ADAM9: variants seen among roughly 807,000 people sequenced by gnomAD.
The protein encoded by ADAM9 is disintegrin and metalloproteinase domain-containing protein 9.
Under a neutral mutation model 108.1 loss-of-function variants are expected in ADAM9, and 54 were observed. The observed-to-expected ratio is 0.50, with a 90% confidence interval of 0.40 to 0.63. The LOEUF is 0.63. Ranked by LOEUF, ADAM9 falls within the 20% of genes least tolerant of loss-of-function variation. ADAM9 has a pLI of 0.00. For missense variants in ADAM9, 830 were observed against 997.7 expected, an observed-to-expected ratio of 0.83 and a Z score of 2.26; for synonymous variants, 316 against 336.0, an observed-to-expected ratio of 0.94 and a Z score of 0.65.
intron 12 of ADAM9, among the ~76,000 whole-genome samples, chr8:39,051,633 T>C (rs1212508883): frequency 6.6e-6 from 1 of 152,202 alleles, no homozygotes; most frequent in Non-Finnish European, 1.5e-5. Flanking sequence ...TATTCTCCCA[T>C]TTTGGTGATG....
intron 3 of ADAM9, 22 bp from the exon 4 acceptor site, chr8:39,013,943 C>T (rs76099010): frequency 5.0e-4 from 781 of 1,563,814 alleles, no homozygotes; most frequent in Non-Finnish European, 6.4e-4. Flanking sequence ...TATATATAAA[C>T]GGTGTTTTAT....
intron 20 of ADAM9, among the ~76,000 whole-genome samples, chr8:39,095,053 C>CT (rs1368903322): frequency 6.6e-6 from 1 of 152,112 alleles, no homozygotes; most frequent in Non-Finnish European, 1.5e-5. Context: ...TTGCTATAAA[C>CT]TTCCCCCTTA....
intron 3 of ADAM9, 35 bp downstream of exon 3, chr8:39,011,751 T>C (rs372808162): frequency 6.4e-6 from 10 of 1,556,026 alleles, no homozygotes; most frequent in Non-Finnish European, 8.0e-6. Context: ...TTTTCAGTAA[T>C]GTTTTTCCAA....
At position 39,007,924 on chromosome 8, in the gene ADAM9, A is replaced by T; in HGVS notation, c.136A>T (p.Ile46Leu). Residue 46 changes from isoleucine (I) to leucine (L), a missense_variant, in exon 2 of 22, where the codon ATA becomes TTA. By Grantham distance (5) the Ile-to-Leu change is conservative. Coordinates refer to ENST00000487273, the MANE Select transcript of ADAM9 (RefSeq NM_003816.3). ...CTCACATCTTTCTTCTTATGAAATT[A>T]TAACTCCTTGGAGATTAACTAGAGA... Reference protein sequence around the residue: ...QTSHLSSYEIITPWRLTRERR... With the variant: ...QTSHLSSYEILTPWRLTRERR... 1 of 1,612,482 alleles carries T rather than the reference A, an allele frequency of 6.2e-7. No homozygotes were observed. Among genetic ancestry groups the T allele is most frequent in the South Asian group, 1.1e-5 (1 of 91,044 alleles).
intron 12 of ADAM9, among the ~76,000 whole-genome samples, chr8:39,050,830 GTTTTTTTTTT>G (rs58115667): frequency 1.2e-5 from 1 of 85,190 alleles, no homozygotes; most frequent in African/African-American, 4.9e-5. Context: ...GCTTGGAAGT[GTTTTTTTTTT>G]TTTTTTTTTT....
Position 39,103,667 on chromosome 8 carries a change from TC to T in ADAM9, c.2429del (p.Pro810LeufsTer26). On this transcript the variant is annotated frameshift_variant, in exon 22 of 22. Coordinates refer to ENST00000487273, the MANE Select transcript of ADAM9 (RefSeq NM_003816.3). LOFTEE classifies it high-confidence loss of function. The stretch of plus-strand genomic sequence containing the variant: ...GAAACTTAATTCCTGCCCGTCCTGC[TC>T]CTGCACCTCCTTTATATAGTTCCCT... Reference protein sequence around the residue: ...QGNLIPARPAPAPPLYSSLT With the variant: ...QGNLIPARPAXAPPLYSSLT 1 of 1,614,074 alleles carries T rather than the reference TC, an allele frequency of 6.2e-7. No homozygotes were observed. Among genetic ancestry groups the T allele is most frequent in the Non-Finnish European group, 8.5e-7 (1 of 1,179,986 alleles).
At position 39,090,083 on chromosome 8, in the gene ADAM9, T is replaced by A; in HGVS notation, c.2105T>A (p.Phe702Tyr). ...NTALRDGLLVFFFLIVPLIVC... is the reference protein window; with the variant it reads ...NTALRDGLLVYFFLIVPLIVC... Reference sequence around the variant, plus strand: ...GCATTGAGGGACGGACTTCTGGTCTTCTTCTTCCTAATTGTTCCCCTTATT... The same window carrying A: ...GCATTGAGGGACGGACTTCTGGTCTACTTCTTCCTAATTGTTCCCCTTATT... The change falls in exon 19 of 22, where the codon TTC becomes TAC. Residue 702 changes from phenylalanine to tyrosine, a missense_variant. This residue lies in a region of ADAM9 where 238 missense variants were observed against 235.7 expected (regional missense o/e 1.01). Transcript: ENST00000487273. 1 of 1,614,004 alleles carries A rather than the reference T, an allele frequency of 6.2e-7. No individual in the cohort carries two copies. Among genetic ancestry groups the A allele is most frequent in the Non-Finnish European group, 8.5e-7 (1 of 1,179,946 alleles).
At chr8:38,997,206 G>A (rs988216676) in intron 1 of ADAM9, 46 bp downstream of exon 1, 29 of 1,561,706 alleles carry the variant, frequency 1.9e-5, no homozygotes, top group Non-Finnish European at 2.2e-5. Flanking sequence ...GCTTCCTAGG[G>A]ACGGGGCGCT....
At chr8:39,031,216 A>C (rs983194822) in intron 11 of ADAM9, among the ~76,000 whole-genome samples, 1 of 152,238 alleles carries the variant, frequency 6.6e-6, no homozygotes, top group Admixed American at 6.5e-5. Context: ...CCTTTGATCC[A>C]CATGGAGTTA....
chr8:39,044,988 A>ACACATACCTATGTATGTGTATG (rs1837586735), intron 12 of ADAM9, among the ~76,000 whole-genome samples: 3 of 97,990 alleles, frequency 3.1e-5, no homozygotes, highest in East Asian at 2.6e-4. Flanking sequence ...GTATGTGTAT[A>ACACATACCTATGTATGTGTATG]TGTGTGTGCA....
chr8:39,048,917 A>G (rs780246754), intron 12 of ADAM9, among the ~76,000 whole-genome samples: 15 of 150,848 alleles, frequency 9.9e-5, no homozygotes, highest in Admixed American at 5.3e-4. Flanking sequence ...TACCATTTGC[A>G]TGGAATATCT....
At chr8:39,024,622 G>A (rs562128590) in intron 9 of ADAM9, among the ~76,000 whole-genome samples, 53 of 152,278 alleles carry the variant, frequency 3.5e-4, no homozygotes, top group African/African-American at 1.2e-3. Context: ...TGGCTGGTCA[G>A]ATGGCCCAGA....
In ADAM9 at chr8:39,104,631, A is replaced by G. The variant is rs769534835; in HGVS notation, c.*931A>G. ...AAAATCTGAACTTTCAAAGCTTGCT[A>G]TTAAATCATTTAGAATGTTTACATT... On this transcript the variant is annotated 3_prime_UTR_variant, in exon 22 of 22. Coordinates refer to ENST00000487273, the MANE Select transcript of ADAM9 (RefSeq NM_003816.3). 53 of 441,076 alleles carry G rather than the reference A, an allele frequency of 1.2e-4. No individual in the cohort carries two copies. In the Middle Eastern group the frequency reaches 2.1e-3, roughly 18 times the overall value. 27.3% of individuals were successfully genotyped at this position (441,076 alleles called of 1,614,324 possible).
intron 14 of ADAM9, among the ~76,000 whole-genome samples, chr8:39,065,716 ATC>A (rs539946632): frequency 2.7e-5 from 4 of 150,546 alleles, no homozygotes; most frequent in South Asian, 2.1e-4. Context: ...TGCACGAAAC[ATC>A]TCTCATGTTT....
Position 39,104,956 on chromosome 8 carries a change from A to G in ADAM9, c.*1256A>G. 2.3e-6 allele frequency: 1 copy of G among 427,270 alleles called. No individual in the cohort carries two copies. Among genetic ancestry groups the G allele is most frequent in the South Asian group, 1.7e-5 (1 of 57,454 alleles). The allele number at this position is 427,270 out of a possible 1,614,324, so 26.5% of individuals were successfully genotyped here. A position where few individuals can be genotyped will look rare whatever the true frequency, so the allele number is the denominator to read the frequency against. On this transcript the variant is annotated 3_prime_UTR_variant, in exon 22 of 22. Transcript: ENST00000487273. ...GTGTTTTTGGTTTGTGTATATATAC[A>G]TATACAAATACAACATTTACAATAA...
At chr8:39,018,789 G>A in intron 6 of ADAM9, 64 bp from the exon 7 acceptor site, 1 of 1,361,960 alleles carries the variant, frequency 7.3e-7, no homozygotes, top group Non-Finnish European at 1.1e-6. Context: ...AGTGATGAGA[G>A]ATTAGGATGT....
chr8:39,009,412 T>C (rs146348979), intron 2 of ADAM9, among the ~76,000 whole-genome samples: 84 of 152,332 alleles, frequency 5.5e-4, no homozygotes, highest in African/African-American at 2.0e-3. Context: ...GCTAATTTCG[T>C]ATCTTTAGTT....
chr8:39,046,685 C>G lies in ADAM9; in HGVS notation c.1302+4568C>G, dbSNP rs537708215. On this transcript the variant is annotated intron_variant, in intron 12 of 21. Transcript: ENST00000487273. The stretch of plus-strand genomic sequence containing the variant: ...TGCATGAAAGGGTGTAGAATTTTAT[C>G]AAGTGCTTTTTCTGTATCTATTGAG... Among the ~76,000 whole-genome samples the G allele has an allele frequency of 9.2e-4, 140 of 152,156 alleles. 2 individuals carry two copies. The highest frequency in any genetic ancestry group is 7.1e-3 in the South Asian group (34 of 4,820).
At chr8:39,029,131 G>GTTTT (rs35682054) in intron 11 of ADAM9, among the ~76,000 whole-genome samples, 10 of 142,550 alleles carry the variant, frequency 7.0e-5, no homozygotes, top group African/African-American at 7.7e-5. Context: ...TGTTGTTGTT[G>GTTTT]TTTTTTTTTT....
Sources: gnomAD v4.1 joint callset for allele counts (sites outside exome capture counted in the v4.1 genomes callset) on GRCh38, gnomAD v4.1.1 for gene constraint, gnomAD v4.1.1 regional missense constraint, MANE v1.5 for transcripts, NCBI Gene and HGNC (gene_info 2026-07-23, HGNC 2026-07-21) for gene names.